The following ASS1 variants were observed in gnomAD, a reference collection of about 807,000 sequenced individuals.
ASS1 encodes the protein argininosuccinate synthase.
ASS1 carries 58 observed loss-of-function variants against 60.5 expected under a neutral mutation model. The ratio of observed to expected loss-of-function variants is 0.96; its 90% CI spans 0.78 to 1.19. The LOEUF is 1.19. Among genes scored for constraint, ASS1 ranks in the 50% most tolerant of loss-of-function variants. The pLI, the probability that ASS1 is intolerant of heterozygous loss-of-function variation, is 0.00. For missense variants in ASS1, 454 were observed against 547.3 expected (o/e 0.83, Z 1.70); for synonymous variants, 200 against 206.9 (o/e 0.97, Z 0.29).
rs1228206281 is a variant in ASS1, at chr9:130,494,489, T to G, written c.971-378T>G. Among the ~76,000 whole-genome samples the G allele has an allele frequency of 6.6e-6, 1 of 152,152 alleles. No individual in the cohort carries two copies. The highest frequency in any genetic ancestry group is 1.9e-4 in the East Asian group (1 of 5,186). ...TGAGTCCTGTCTGAGGTCTTCTGCC[T>G]CCCCCGGAGATTAGAGCCTCCATTG... On this transcript the variant is annotated intron_variant, in intron 12 of 14. Transcript: ENST00000352480. The surrounding 1 kb of genome is among the most constrained non-coding windows in gnomAD (Gnocchi z 4.3).
At chr9:130,457,636 C>T (rs1845476679) in intron 3 of ASS1, among the ~76,000 whole-genome samples, 1 of 152,038 alleles carries the variant, frequency 6.6e-6, no homozygotes, top group East Asian at 1.9e-4. Context: ...TAGCAGTATC[C>T]CCATAGCCTT....
chr9:130,466,538 G>A (rs531562992), intron 5 of ASS1, 187 bp from the exon 6 acceptor site: 7 of 648,138 alleles, frequency 1.1e-5, no homozygotes, highest in East Asian at 5.5e-5. Context: ...AGCCAGCCCC[G>A]GTGAGGGAGT....
intron 3 of ASS1, among the ~76,000 whole-genome samples, chr9:130,457,722 T>C: frequency 6.6e-6 from 1 of 152,176 alleles, no homozygotes; most frequent in South Asian, 2.1e-4. Context: ...TACTTCCAAA[T>C]GCCTCCCCTA....
chr9:130,479,968 C>G, intron 10 of ASS1, 168 bp downstream of exon 10: 1 of 846,626 alleles, frequency 1.2e-6, no homozygotes, highest in South Asian at 1.4e-5. Context: ...ACCCATTTGG[C>G]AGGAGAGGCT....
At chr9:130,480,944 C>A (rs1222901791) in intron 11 of ASS1, among the ~76,000 whole-genome samples, 1 of 152,244 alleles carries the variant, frequency 6.6e-6, no homozygotes, top group African/African-American at 2.4e-5. Flanking sequence ...GGCTCACTGG[C>A]CCTTTTCTCC....
chr9:130,451,891 C>T (rs1041022853), intron 1 of ASS1: 15 of 512,412 alleles, frequency 2.9e-5, no homozygotes, highest in Non-Finnish European at 5.3e-5. Context: ...TTCCTCACAT[C>T]CTGGCCTTGG....
At chr9:130,446,756 C>T (rs1845205459) in intron 1 of ASS1, among the ~76,000 whole-genome samples, 2 of 152,192 alleles carry the variant, frequency 1.3e-5, no homozygotes, top group Non-Finnish European at 2.9e-5. Flanking sequence ...GGGAGGCCAG[C>T]CAGGTCAACC....
At chr9:130,460,630 C>T (rs1845566860) in intron 4 of ASS1, among the ~76,000 whole-genome samples, 1 of 152,186 alleles carries the variant, frequency 6.6e-6, no homozygotes, top group Non-Finnish European at 1.5e-5. Flanking sequence ...GAAGGACAGT[C>T]TGTCTGGGGC....
chr9:130,456,327 G>A lies in ASS1; in HGVS notation c.174+1954G>A, dbSNP rs914030600. ...CTAAAAATACAAAAATTAGCTGGGC[G>A]CGATGGTGGGTGCCTGTAATCCCAG... On this transcript the variant is annotated intron_variant, in intron 3 of 14. Transcript: ENST00000352480. Among the ~76,000 whole-genome samples the A allele has an allele frequency of 8.6e-5, 13 of 151,804 alleles. 1 individual carries two copies. The highest frequency in any genetic ancestry group is 2.1e-4 in the South Asian group (1 of 4,798).
chr9:130,463,562 G>C (rs1845655827), intron 4 of ASS1, among the ~76,000 whole-genome samples: 1 of 152,152 alleles, frequency 6.6e-6, no homozygotes, highest in Non-Finnish European at 1.5e-5. Flanking sequence ...TCTCTGTGCA[G>C]AGAAGAGCTG....
chr9:130,486,681 C>T (rs2118858430), intron 11 of ASS1, among the ~76,000 whole-genome samples: 1 of 152,320 alleles, frequency 6.6e-6, no homozygotes, highest in Non-Finnish European at 1.5e-5. Flanking sequence ...CCGAAGGCTG[C>T]AGCCCCCACC....
chr9:130,463,859 G>A (rs950352499), intron 4 of ASS1, among the ~76,000 whole-genome samples: 6 of 151,938 alleles, frequency 3.9e-5, no homozygotes, highest in African/African-American at 2.4e-5. Context: ...CCAGCTCCAG[G>A]GGGTCAGATG....
chr9:130,449,937 G>T (rs1367167564), intron 1 of ASS1, among the ~76,000 whole-genome samples: 1 of 152,168 alleles, frequency 6.6e-6, no homozygotes, highest in African/African-American at 2.4e-5. Context: ...TATGATGTTG[G>T]CACATTACCC....
At chr9:130,475,764 TG>T (rs1396772135) in intron 8 of ASS1, among the ~76,000 whole-genome samples, 3 of 117,894 alleles carry the variant, frequency 2.5e-5, no homozygotes, top group Non-Finnish European at 5.2e-5. Context: ...TTTTTTTTGG[TG>T]GGGGGGTGGG....
At chr9:130,500,207 G>A (rs984997405) in intron 14 of ASS1, among the ~76,000 whole-genome samples, 2 of 152,124 alleles carry the variant, frequency 1.3e-5, no homozygotes, top group South Asian at 2.1e-4. Flanking sequence ...GCCCAGGGCC[G>A]GTGTGCTCAA....
intron 4 of ASS1, among the ~76,000 whole-genome samples, chr9:130,460,609 C>A (rs1413861007): frequency 6.6e-6 from 1 of 152,006 alleles, no homozygotes; most frequent in African/African-American, 2.4e-5. Context: ...GGCTTAGAGC[C>A]AAGAGGCCCT....
chr9:130,450,825 C>T (rs905992265), intron 1 of ASS1, among the ~76,000 whole-genome samples: 14 of 152,250 alleles, frequency 9.2e-5, no homozygotes, highest in Non-Finnish European at 1.3e-4. Context: ...TTCTGGGCTC[C>T]ACTTCCCCAG....
At chr9:130,469,826 C>G (rs563951421) in intron 6 of ASS1, among the ~76,000 whole-genome samples, 1 of 152,172 alleles carries the variant, frequency 6.6e-6, no homozygotes, top group Non-Finnish European at 1.5e-5. Context: ...TGAGTGGGGT[C>G]GATCCCATCA....
At chr9:130,497,687 G>A (rs1846638462) in intron 13 of ASS1, among the ~76,000 whole-genome samples, 1 of 152,204 alleles carries the variant, frequency 6.6e-6, no homozygotes, top group Non-Finnish European at 1.5e-5. Flanking sequence ...TTCCCACCTT[G>A]GGGAACGGGA....
Sources: gnomAD v4.1 joint callset for allele counts (sites outside exome capture counted in the v4.1 genomes callset) on GRCh38, gnomAD v4.1.1 for gene constraint, Gnocchi (gnomAD v3.1) non-coding constraint, MANE v1.5 for transcripts, NCBI Gene and HGNC (gene_info 2026-07-23, HGNC 2026-07-21) for gene names.